The following LNX2 variants were observed in gnomAD, a reference collection of about 807,000 sequenced individuals.
The protein encoded by LNX2 is ligand of Numb protein X 2.
In LNX2, 35 loss-of-function variants were observed where a neutral mutation model predicts 66.2. The ratio of observed to expected loss-of-function variants is 0.53; its 90% CI spans 0.40 to 0.70. The LOEUF is 0.70. LNX2 is among the 30% of genes least tolerant of loss of function. The pLI, the probability that LNX2 is intolerant of heterozygous loss-of-function variation, is 0.00. For missense variants in LNX2, 791 were observed against 850.8 expected, an observed-to-expected ratio of 0.93 and a Z score of 0.87; for synonymous variants, 337 against 315.6, an observed-to-expected ratio of 1.07 and a Z score of -0.72.
Position 27,583,255 on chromosome 13 carries a change from T to TGCGCGCGCGCGCGCGCGCGC in LNX2, c.-100-1453_-100-1452insGCGCGCGCGCGCGCGCGCGC, listed in dbSNP as rs1227667311. ...GTGTGTGTGTGTGTGTGTGTGTGTG[T>TGCGCGCGCGCGCGCGCGCGC]GCGCGCGTCCTCTCCAACATACTTA... On this transcript the variant is annotated intron_variant, in intron 1 of 9. Transcript: ENST00000316334. Among the ~76,000 whole-genome samples the TGCGCGCGCGCGCGCGCGCGC allele has an allele frequency of 3.2e-4, 19 of 58,530 alleles. 3 individuals carry two copies. Among genetic ancestry groups the TGCGCGCGCGCGCGCGCGCGC allele is most frequent in the Admixed American group, 1.1e-3 (6 of 5,702 alleles). The allele number at this position is 58,530 out of a possible 152,430, so 38.4% of individuals were successfully genotyped here.
intron 3 of LNX2, among the ~76,000 whole-genome samples, chr13:27,568,299 G>A (rs116471787): frequency 1.5e-3 from 226 of 152,264 alleles, no homozygotes; most frequent in African/African-American, 5.2e-3. Flanking sequence ...TGAAGAAGGC[G>A]CATAGTTGCG....
At chr13:27,586,341 T>C (rs1273552561) in intron 1 of LNX2, among the ~76,000 whole-genome samples, 17 of 152,174 alleles carry the variant, frequency 1.1e-4, no homozygotes, top group Non-Finnish European at 2.2e-4. Context: ...AGGAAAGCTT[T>C]AGAGTATGAG....
At chr13:27,589,279 G>A (rs891746786) in intron 1 of LNX2, among the ~76,000 whole-genome samples, 4 of 152,134 alleles carry the variant, frequency 2.6e-5, no homozygotes, top group Non-Finnish European at 4.4e-5. Flanking sequence ...AATATTTACC[G>A]TATCATATGG....
chr13:27,600,186 C>T (rs1245345923), intron 1 of LNX2, among the ~76,000 whole-genome samples: 4 of 152,138 alleles, frequency 2.6e-5, no homozygotes. Flanking sequence ...ATTTACTAGC[C>T]AATGACACAA....
Position 27,562,407 on chromosome 13 carries a change from G to T in LNX2, c.1224+6C>A, listed in dbSNP as rs1955145697. 1 of 1,610,464 alleles carries T rather than the reference G, an allele frequency of 6.2e-7. No homozygotes were observed. The highest frequency in any genetic ancestry group is 8.5e-7 in the Non-Finnish European group (1 of 1,178,218). On this transcript the variant is annotated splice_donor_region_variant and intron_variant, in intron 5 of 9. Transcript: ENST00000316334. ...AGCCTTTGGAATGAAGGCCAAGAGG[G>T]TTTACCTGAATAATCTGGGCAGCAA...
At chr13:27,610,046 T>C (rs1307843335) in intron 1 of LNX2, among the ~76,000 whole-genome samples, 1 of 152,242 alleles carries the variant, frequency 6.6e-6, no homozygotes, top group Non-Finnish European at 1.5e-5. Flanking sequence ...ATGAGATTAA[T>C]AAATATTTCA....
chr13:27,583,210 G>GCGCGCGCGTGTCCTCTCCAATATAACTT (rs1254840221), intron 1 of LNX2, among the ~76,000 whole-genome samples: 513 of 22,048 alleles, frequency 0.023, 105 homozygotes, highest in African/African-American at 0.036. Context: ...GTGTGTGTGT[G>GCGCGCGCGTGTCCTCTCCAATATAACTT]TGTGTGTGTG....
At chr13:27,593,821 C>G (rs1364181872) in intron 1 of LNX2, among the ~76,000 whole-genome samples, 2 of 150,432 alleles carry the variant, frequency 1.3e-5, no homozygotes, top group Admixed American at 1.3e-4. Flanking sequence ...GTTTCAAACT[C>G]CTGACCTCAA....
chr13:27,558,378 A>G (rs1955088929), intron 6 of LNX2, among the ~76,000 whole-genome samples: 1 of 152,072 alleles, frequency 6.6e-6, no homozygotes, highest in Admixed American at 6.5e-5. Flanking sequence ...TGTCATATAA[A>G]ATTAAAGAGA....
intron 1 of LNX2, among the ~76,000 whole-genome samples, chr13:27,599,053 T>C (rs776550629): frequency 6.6e-5 from 10 of 152,224 alleles, no homozygotes; most frequent in Non-Finnish European, 1.3e-4. Context: ...AAATTGACAC[T>C]ACTTTTTGTA....
intron 2 of LNX2, among the ~76,000 whole-genome samples, chr13:27,580,666 C>G (rs948998839): frequency 6.6e-6 from 1 of 152,140 alleles, no homozygotes; most frequent in Admixed American, 6.5e-5. Context: ...ATTTAGTTTT[C>G]CAACTCCTAA....
At chr13:27,618,797 C>T (rs1955854901) in intron 1 of LNX2, among the ~76,000 whole-genome samples, 1 of 152,190 alleles carries the variant, frequency 6.6e-6, no homozygotes, top group Non-Finnish European at 1.5e-5. Flanking sequence ...ATACAACAGC[C>T]CAAAGACACA....
chr13:27,558,562 A>T (rs918016950), intron 6 of LNX2, among the ~76,000 whole-genome samples: 36 of 152,092 alleles, frequency 2.4e-4, no homozygotes, highest in African/African-American at 7.7e-4. Flanking sequence ...ATAACATAAA[A>T]GATTCAATTA....
At position 27,548,120 on chromosome 13, in the gene LNX2, C is replaced by T; in HGVS notation, c.*215G>A. 6.0e-6 allele frequency: 3 copies of T among 503,734 alleles called. No individual in the cohort carries two copies. The highest frequency in any genetic ancestry group is 7.0e-6 in the Non-Finnish European group (2 of 285,940). The allele number at this position is 503,734 out of a possible 1,614,324, so 31.2% of individuals were successfully genotyped here. A position where few individuals can be genotyped will look rare whatever the true frequency, so the allele number is the denominator to read the frequency against. Reference sequence around the variant, plus strand: ...TCTGAATTCTGAAAATATAAACTCACAAAGGTTAGTGGAAGACTGTTTCCA... The same window carrying T: ...TCTGAATTCTGAAAATATAAACTCATAAAGGTTAGTGGAAGACTGTTTCCA... On this transcript the variant is annotated 3_prime_UTR_variant, in exon 10 of 10. Transcript: ENST00000316334.
At chr13:27,573,775 A>G (rs7984825) in intron 2 of LNX2, among the ~76,000 whole-genome samples, 87,263 of 151,970 alleles carry the variant, frequency 0.57, 25,596 homozygotes, top group African/African-American at 0.68. Context: ...TAAGAGTCAC[A>G]TAGCAAACAA....
intron 2 of LNX2, among the ~76,000 whole-genome samples, chr13:27,574,307 G>C (rs545627524): frequency 6.6e-6 from 1 of 152,312 alleles, no homozygotes; most frequent in African/African-American, 2.4e-5. Context: ...AGCCAGGTTT[G>C]GTGGCGCATG....
At chr13:27,618,782 T>G (rs1955854627) in intron 1 of LNX2, among the ~76,000 whole-genome samples, 1 of 152,140 alleles carries the variant, frequency 6.6e-6, no homozygotes, top group Admixed American at 6.5e-5. Context: ...TATGCAAAGC[T>G]CGTAATACAA....
chr13:27,567,984 A>C lies in LNX2; in HGVS notation c.656-145T>G, dbSNP rs530550591. On this transcript the variant is annotated intron_variant, in intron 3 of 9. Transcript: ENST00000316334. The stretch of plus-strand genomic sequence containing the variant: ...GCAGTATCACTGGATAAGAAACAAA[A>C]TGACAAAATATCTGTTGTTAAGATT... 38 of 697,042 alleles carry C rather than the reference A, an allele frequency of 5.5e-5. 1 individual carries two copies. The South Asian group carries it at 6.5e-4, about 12-fold the overall frequency. The allele number at this position is 697,042 out of a possible 1,614,324, so 43.2% of individuals were successfully genotyped here.
intron 1 of LNX2, among the ~76,000 whole-genome samples, chr13:27,600,767 A>G (rs752821579): frequency 2.8e-4 from 42 of 152,164 alleles, no homozygotes; most frequent in Non-Finnish European, 4.9e-4. Flanking sequence ...TATTGCCAAC[A>G]AATGCCCCAG....
Sources: gnomAD v4.1 joint callset for allele counts (sites outside exome capture counted in the v4.1 genomes callset) on GRCh38, gnomAD v4.1.1 for gene constraint, MANE v1.5 for transcripts, NCBI Gene and HGNC (gene_info 2026-07-23, HGNC 2026-07-21) for gene names.